NTRK1: variants seen among roughly 807,000 people sequenced by gnomAD.
NTRK1 encodes neurotrophic receptor tyrosine kinase 1, also known as high affinity nerve growth factor receptor.
Under a neutral mutation model 86.8 loss-of-function variants are expected in NTRK1, and 62 were observed. The observed-to-expected ratio is 0.71, with a 90% CI of 0.58 to 0.88. The LOEUF is 0.88. NTRK1 is among the 40% of genes least tolerant of loss of function. The pLI, the probability that NTRK1 is intolerant of heterozygous loss-of-function variation, is 0.00. For synonymous variants in NTRK1, 469 were observed against 456.6 expected (o/e 1.03, Z -0.35); for missense variants, 967 against 1,078.4 (o/e 0.90, Z 1.45).
intron 1 of NTRK1, chr1:156,816,724 AG>A (rs1653977277): frequency 2.5e-6 from 4 of 1,592,456 alleles, no homozygotes; most frequent in African/African-American, 1.4e-5. Context: ...CAGCCTCACA[AG>A]GGATCCCAGA....
Position 156,881,477 on chromosome 1 carries a change from G to A in NTRK1, c.2226G>A (p.Gln742=), listed in dbSNP as rs2102930636. ...SNTEAIDCIT[Q]GRELERPRAC... Reference sequence around the variant, plus strand: ...CCCAGGCAATCGACTGCATCACGCAGGGACGTGAGTTGGAGCGGCCACGTG... The same window carrying A: ...CCCAGGCAATCGACTGCATCACGCAAGGACGTGAGTTGGAGCGGCCACGTG... The change falls in exon 17 of 17, where the codon CAG becomes CAA. Residue 742 remains glutamine, a synonymous_variant. Coordinates refer to ENST00000524377, the MANE Select transcript of NTRK1 (RefSeq NM_002529.4). 6.3e-7 allele frequency: 1 copy of A among 1,579,370 alleles called. No individual in the cohort carries two copies. The highest frequency in any genetic ancestry group is 8.6e-7 in the Non-Finnish European group (1 of 1,162,660).
rs1361235641 is a variant in NTRK1, at chr1:156,879,527, GTCTCCTTCGC to G, written c.2046+167_2046+176del. Among the ~76,000 whole-genome samples the G allele has an allele frequency of 1.5e-4, 23 of 152,262 alleles. No individual in the cohort carries two copies. The East Asian group carries it at 4.2e-3, about 28-fold the overall frequency. On this transcript the variant is annotated intron_variant, in intron 15 of 16. Transcript: ENST00000524377. The stretch of plus-strand genomic sequence containing the variant: ...CTCGGCTCCTGGTGGAGGGGGCTCT[GTCTCCTTCGC>G]TATCCCAGATGGAAACAGCACCTTC...
chr1:156,834,551 G>A (rs956970859), intron 1 of NTRK1, among the ~76,000 whole-genome samples: 1 of 152,180 alleles, frequency 6.6e-6, no homozygotes, highest in African/African-American at 2.4e-5. Context: ...GTAACTGGCT[G>A]TGTGATCTTA....
intron 3 of NTRK1, 39 bp downstream of exon 3, chr1:156,864,838 GACACCCA>G (rs1158315026): frequency 1.3e-6 from 2 of 1,589,502 alleles, no homozygotes; most frequent in African/African-American, 2.7e-5. Context: ...AGTTGGGGAG[GACACCCA>G]GACTTGGGCT....
chr1:156,856,303 A>G (rs144925787), upstream of NTRK1, among the ~76,000 whole-genome samples: 2,395 of 152,300 alleles, frequency 0.016, 62 homozygotes, highest in African/African-American at 0.054. Context: ...TGATGAATGA[A>G]TGAATGAGTG....
chr1:156,860,907 C>G lies in NTRK1; in HGVS notation c.-28C>G. On this transcript the variant is annotated 5_prime_UTR_variant, in exon 1 of 17. Transcript: ENST00000524377. ...AGCTGGGAGCGCACAGACGGCTGCC[C>G]CGCCTGAGCGAGGCGGGCGCCGCCG... 6 of 1,429,902 alleles carry G rather than the reference C, an allele frequency of 4.2e-6. No homozygotes were observed. The highest frequency in any genetic ancestry group is 4.5e-6 in the Non-Finnish European group (5 of 1,103,770). 88.6% of individuals were successfully genotyped at this position (1,429,902 alleles called of 1,614,324 possible).
intron 1 of NTRK1, chr1:156,815,914 A>G (rs938603449): frequency 2.5e-5 from 40 of 1,611,254 alleles, no homozygotes; most frequent in Non-Finnish European, 3.0e-5. Context: ...CTTCTCTTGG[A>G]GTGGCCTTTG....
At chr1:156,820,430 A>G (rs577791028) in intron 1 of NTRK1, among the ~76,000 whole-genome samples, 2 of 152,292 alleles carry the variant, frequency 1.3e-5, no homozygotes, top group South Asian at 4.1e-4. Context: ...TACTTTTTGT[A>G]GAGATGGGGT....
chr1:156,864,361 G>A lies in NTRK1; in HGVS notation c.220G>A (p.Glu74Lys), dbSNP rs754562899. Reference sequence around the variant, plus strand: ...CATCCGCTCTCCCCACAGCTACATCGAGAACCAGCAGCATCTGCAGCATCT... The same window carrying A: ...CATCCGCTCTCCCCACAGCTACATCAAGAACCAGCAGCATCTGCAGCATCT... ...GAENLTELYI[E>K]NQQHLQHLEL... The change falls in exon 2 of 17, where the codon GAG becomes AAG. Residue 74 changes from glutamate (E) to lysine (K), a missense_variant. Glu to Lys is a moderately conservative substitution (Grantham distance 56). Around this residue, in one of 2 missense-constraint regions of NTRK1, gnomAD observed 330 missense variants for 302.0 expected, o/e 1.09. Coordinates refer to ENST00000524377, the MANE Select transcript of NTRK1 (RefSeq NM_002529.4). 7 of 1,614,166 alleles carry A rather than the reference G, an allele frequency of 4.3e-6. No homozygotes were observed. The highest frequency in any genetic ancestry group is 2.7e-5 in the African/African-American group (2 of 75,044).
intron 1 of NTRK1, among the ~76,000 whole-genome samples, chr1:156,838,374 G>GTTTT (rs372028318): frequency 6.9e-6 from 1 of 145,580 alleles, no homozygotes. Flanking sequence ...CCAGCTACAG[G>GTTTT]CTTTTTTTTT....
In NTRK1 at chr1:156,868,011, A is replaced by G. The variant is rs895760372; in HGVS notation, c.429-93A>G. ...TCTGTGTCCTCCCTTTCACCTGTAG[A>G]CGGTCCTCCCTGCTGCCTAACTGCT... is the stretch of plus-strand genomic sequence containing the variant. On this transcript the variant is annotated intron_variant, in intron 4 of 16. Coordinates refer to ENST00000524377, the MANE Select transcript of NTRK1 (RefSeq NM_002529.4). The G allele has an allele frequency of 4.7e-5, 66 of 1,395,912 alleles. No individual in the cohort carries two copies. In the Middle Eastern group the frequency reaches 7.0e-4, roughly 15 times the overall value. 86.5% of individuals were successfully genotyped at this position (1,395,912 alleles called of 1,614,324 possible).
chr1:156,861,173 G>A (rs773159367), intron 1 of NTRK1, 27 bp downstream of exon 1: 2 of 1,538,898 alleles, frequency 1.3e-6, no homozygotes, highest in East Asian at 2.4e-5. Flanking sequence ...CGGTGGGGGG[G>A]CGCGGGGACA....
chr1:156,840,883 G>T, intron 1 of NTRK1: 1 of 1,612,708 alleles, frequency 6.2e-7, no homozygotes, highest in South Asian at 1.1e-5. Context: ...TCAGTGCCCT[G>T]GACCCCCATT....
At chr1:156,878,711 A>G (rs1648068093) in intron 14 of NTRK1, among the ~76,000 whole-genome samples, 1 of 152,112 alleles carries the variant, frequency 6.6e-6, no homozygotes, top group Non-Finnish European at 1.5e-5. Context: ...AGACAGGACA[A>G]TCAAGGACTC....
intron 2 of NTRK1, chr1:156,844,692 C>G (rs766624698): frequency 1.2e-6 from 2 of 1,613,908 alleles, no homozygotes; most frequent in Non-Finnish European, 1.7e-6. Context: ...GGACGGGGGT[C>G]CCACGGGCAC....
At chr1:156,876,675 A>G in intron 14 of NTRK1, 103 bp downstream of exon 14, 3 of 1,400,964 alleles carry the variant, frequency 2.1e-6, no homozygotes, top group South Asian at 2.5e-5. Flanking sequence ...AAGGGGAGAC[A>G]CCAAGAAAGA....
intron 13 of NTRK1, 78 bp downstream of exon 13, chr1:156,876,288 G>A (rs1647900566): frequency 6.2e-7 from 1 of 1,611,178 alleles, no homozygotes; most frequent in Non-Finnish European, 8.5e-7. Flanking sequence ...CAGAGTGGGG[G>A]GAGATGCAGA....
intron 1 of NTRK1, among the ~76,000 whole-genome samples, chr1:156,822,572 A>C (rs1193224330): frequency 1.3e-5 from 2 of 151,412 alleles, no homozygotes; most frequent in Non-Finnish European, 2.9e-5. Flanking sequence ...TAAGGAAAAA[A>C]AAAGTATTTT....
At chr1:156,818,883 T>C (rs111559190) in intron 1 of NTRK1, among the ~76,000 whole-genome samples, 4,972 of 152,322 alleles carry the variant, frequency 0.033, 323 homozygotes, top group African/African-American at 0.11. Context: ...CTTTTGTTTT[T>C]TTAAGGAATC....
Sources: gnomAD v4.1 joint callset for allele counts (sites outside exome capture counted in the v4.1 genomes callset) on GRCh38, gnomAD v4.1.1 for gene constraint, gnomAD v4.1.1 regional missense constraint, MANE v1.5 for transcripts, NCBI Gene and HGNC (gene_info 2026-07-23, HGNC 2026-07-21) for gene names.